MGRN1: variants seen among roughly 807,000 people sequenced by gnomAD.
The protein encoded by MGRN1 is E3 ubiquitin-protein ligase MGRN1.
Under a neutral mutation model 69.2 loss-of-function variants are expected in MGRN1, and 29 were observed. The ratio of observed to expected loss-of-function variants is 0.42; its 90% CI spans 0.31 to 0.57. MGRN1 has a LOEUF of 0.57. Among genes scored for constraint, MGRN1 ranks in the 20% least tolerant of loss-of-function variants. The pLI, the probability that MGRN1 is intolerant of heterozygous loss-of-function variation, is 0.15. For synonymous variants in MGRN1, 470 were observed against 344.2 expected (o/e 1.37, Z -4.04); for missense variants, 998 against 796.2 (o/e 1.25, Z -3.05).
chr16:4,644,480 T>C lies in MGRN1; in HGVS notation c.89-5885T>C, dbSNP rs1207340878. On this transcript the variant is annotated intron_variant, in intron 1 of 16. Transcript: ENST00000262370. ...CACACACCACCACGCCTGGGTAATT[T>C]TGTATTTTTAGTAGAGACAGGGTTT... Among the ~76,000 whole-genome samples, 9 of 151,854 alleles carry C rather than the reference T, an allele frequency of 5.9e-5. No homozygotes were observed. The East Asian group carries it at 1.7e-3, about 29-fold the overall frequency.
intron 1 of MGRN1, among the ~76,000 whole-genome samples, chr16:4,647,662 C>T (rs964856613): frequency 1.3e-5 from 2 of 152,238 alleles, no homozygotes; most frequent in Non-Finnish European, 2.9e-5. Context: ...TTTTCTTTAA[C>T]CTGCAAATAC....
At chr16:4,683,359 C>A in intron 15 of MGRN1, 90 bp downstream of exon 15, 1 of 1,458,520 alleles carries the variant, frequency 6.9e-7, no homozygotes, top group Non-Finnish European at 9.5e-7. Flanking sequence ...TGGTGTTGGG[C>A]CAGCACCTCT....
At chr16:4,642,003 C>T (rs1371755551) in intron 1 of MGRN1, among the ~76,000 whole-genome samples, 1 of 152,124 alleles carries the variant, frequency 6.6e-6, no homozygotes. Flanking sequence ...GTCTCGTCTC[C>T]TGCAGGTGTG....
In MGRN1 at chr16:4,652,640, C is replaced by T. The variant is rs201400655; in HGVS notation, c.297-38C>T. On this transcript the variant is annotated intron_variant, in intron 3 of 16. Transcript: ENST00000262370. ...AGGAGGCAGCCTCCGCAGATGGGGCCGCTGACCCGCTGCCTTTCTCTCCAC... is the reference window on the plus strand; with the variant it reads ...AGGAGGCAGCCTCCGCAGATGGGGCTGCTGACCCGCTGCCTTTCTCTCCAC... 7.5e-4 allele frequency: 1,180 copies of T among 1,580,306 alleles called. 10 individuals carry two copies. The African/African-American group carries it at 0.014, about 19-fold the overall frequency.
chr16:4,631,104 G>T (rs1897980526), intron 1 of MGRN1, among the ~76,000 whole-genome samples: 1 of 152,260 alleles, frequency 6.6e-6, no homozygotes, highest in African/African-American at 2.4e-5. Flanking sequence ...TTACAGGTGT[G>T]AGCCGCTGTA....
intron 5 of MGRN1, among the ~76,000 whole-genome samples, chr16:4,657,986 C>T (rs1377796790): frequency 6.6e-6 from 1 of 151,224 alleles, no homozygotes; most frequent in African/African-American, 2.4e-5. Context: ...TTGTGATCCG[C>T]CGGCCTCGGC....
At chr16:4,657,444 C>G in intron 5 of MGRN1, 81 bp downstream of exon 5, 1 of 1,360,606 alleles carries the variant, frequency 7.3e-7, no homozygotes, top group Non-Finnish European at 1.0e-6. Flanking sequence ...ACAGTGGGGT[C>G]TGTGTGTTTG....
intron 7 of MGRN1, among the ~76,000 whole-genome samples, chr16:4,667,680 G>A (rs533464498): frequency 2.0e-5 from 3 of 152,346 alleles, no homozygotes; most frequent in Non-Finnish European, 2.9e-5. Flanking sequence ...GTGTTGTTGC[G>A]AGGTCTCCGA....
At position 4,688,820 on chromosome 16, in the gene MGRN1, C is replaced by T; in HGVS notation, c.1643C>T (p.Ala548Val). ...GGACGGCCCACCTCCATGGAGACGG[C>T]CCACGGCCTCGCCACCACCAGCCCC... ...LPGRPTSMET[A>V]HGLATTSPTW... The change falls in exon 17 of 17, where the codon GCC becomes GTC. Residue 548 changes from alanine (A) to valine (V), a missense_variant. Ala to Val is a moderately conservative substitution (Grantham distance 64). Coordinates refer to ENST00000262370, the MANE Select transcript of MGRN1 (RefSeq NM_015246.4). 1 of 1,552,900 alleles carries T rather than the reference C, an allele frequency of 6.4e-7. No homozygotes were observed. Among genetic ancestry groups the T allele is most frequent in the Non-Finnish European group, 8.7e-7 (1 of 1,147,904 alleles).
intron 5 of MGRN1, 191 bp from the exon 6 acceptor site, chr16:4,664,516 ATC>A: frequency 1.6e-6 from 1 of 608,914 alleles, no homozygotes. Flanking sequence ...TTTGTGTTGT[ATC>A]TGTTTTAACA....
At chr16:4,661,358 G>A (rs1250171093) in intron 5 of MGRN1, among the ~76,000 whole-genome samples, 1 of 152,132 alleles carries the variant, frequency 6.6e-6, no homozygotes, top group Non-Finnish European at 1.5e-5. Context: ...GCCACCTTTC[G>A]CACCCTTTTC....
chr16:4,668,428 C>T (rs531561578), intron 8 of MGRN1, 116 bp downstream of exon 8: 51 of 1,054,138 alleles, frequency 4.8e-5, no homozygotes, highest in Admixed American at 2.7e-4. Flanking sequence ...TACTCATACA[C>T]GCTCATACAC....
At chr16:4,683,116 G>A (rs2079226348) in intron 14 of MGRN1, 108 bp from the exon 15 acceptor site, 1 of 1,526,516 alleles carries the variant, frequency 6.6e-7, no homozygotes, top group Non-Finnish European at 9.0e-7. Context: ...AGCACCCCCT[G>A]GTGGAGCGGC....
At chr16:4,677,185 A>C (rs1289001932) in intron 10 of MGRN1, 1 of 328,586 alleles carries the variant, frequency 3.0e-6, no homozygotes, top group East Asian at 4.9e-5. Flanking sequence ...TTTCATTAAT[A>C]CTGTGTTTGC....
intron 1 of MGRN1, among the ~76,000 whole-genome samples, chr16:4,635,653 G>A (rs887677457): frequency 1.4e-5 from 2 of 148,098 alleles, no homozygotes; most frequent in Non-Finnish European, 3.0e-5. Flanking sequence ...CTTTTTTTTT[G>A]AGACAGAGTC....
At chr16:4,625,140 T>C in intron 1 of MGRN1, 92 bp downstream of exon 1, 2 of 1,202,972 alleles carry the variant, frequency 1.7e-6, no homozygotes, top group South Asian at 1.7e-5. Context: ...CGGGGCGCCC[T>C]GCTCGGCCCC....
chr16:4,639,304 G>A (rs2078105796), intron 1 of MGRN1, among the ~76,000 whole-genome samples: 1 of 152,136 alleles, frequency 6.6e-6, no homozygotes, highest in South Asian at 2.1e-4. Flanking sequence ...CCACGAGCTG[G>A]CAGTTGGCCT....
chr16:4,672,494 G>C, intron 9 of MGRN1: 1 of 456,606 alleles, frequency 2.2e-6, no homozygotes, highest in Non-Finnish European at 4.4e-6. Context: ...GCACCTGGCC[G>C]GGCCTCGCCT....
chr16:4,662,780 CA>C (rs1026328077), intron 5 of MGRN1, among the ~76,000 whole-genome samples: 2 of 152,208 alleles, frequency 1.3e-5, no homozygotes, highest in African/African-American at 4.8e-5. Context: ...GGGGGGACAG[CA>C]GGGGAGAGGA....
Sources: gnomAD v4.1 joint callset for allele counts (sites outside exome capture counted in the v4.1 genomes callset) on GRCh38, gnomAD v4.1.1 for gene constraint, MANE v1.5 for transcripts, NCBI Gene and HGNC (gene_info 2026-07-23, HGNC 2026-07-21) for gene names.